The following ANKDD1A variants were observed in gnomAD, a reference collection of about 807,000 sequenced individuals.
The protein encoded by ANKDD1A is ankyrin repeat and death domain-containing protein 1A.
Under a neutral mutation model 63.5 loss-of-function variants are expected in ANKDD1A, and 59 were observed. That is an observed-to-expected ratio of 0.93 (90% CI 0.75 to 1.15). The LOEUF is 1.15. ANKDD1A is among the 50% of genes most tolerant of loss of function. The pLI, the probability that ANKDD1A is intolerant of heterozygous loss-of-function variation, is 0.00. For missense variants in ANKDD1A, 632 were observed against 656.4 expected (o/e 0.96, Z 0.41); for synonymous variants, 266 against 263.9 (o/e 1.01, Z -0.08).
At chr15:64,924,509 G>A (rs2140368312) in intron 4 of ANKDD1A, among the ~76,000 whole-genome samples, 1 of 152,256 alleles carries the variant, frequency 6.6e-6, no homozygotes, top group East Asian at 1.9e-4. Context: ...TTCCCCAAAG[G>A]GATTCATCTT....
chr15:64,924,636 T>G lies in ANKDD1A; in HGVS notation c.367-1430T>G, dbSNP rs2085032660. On this transcript the variant is annotated intron_variant, in intron 4 of 14. Coordinates refer to ENST00000319580, the MANE Select transcript of ANKDD1A (RefSeq NM_182703.6). ...TGATATTTACAGTTTTACTAAACTATAGACTATAATAAGATTTCAGCAGTT... is the reference window on the plus strand; with the variant it reads ...TGATATTTACAGTTTTACTAAACTAGAGACTATAATAAGATTTCAGCAGTT... Among the ~76,000 whole-genome samples the G allele has an allele frequency of 2.0e-5, 3 of 152,382 alleles. No homozygotes were observed. In the South Asian group the frequency reaches 6.2e-4, roughly 32 times the overall value.
rs1266128141 is a variant in ANKDD1A at position 64,953,952 on chromosome 15, ATTGTTTCT to A, written c.1484-3148_1484-3141del. Among the ~76,000 whole-genome samples, 20 of 72,036 alleles carry A rather than the reference ATTGTTTCT, an allele frequency of 2.8e-4. No individual in the cohort carries two copies. In the East Asian group the frequency reaches 0.012, roughly 43 times the overall value. The allele number at this position is 72,036 out of a possible 152,430, so 47.3% of individuals were successfully genotyped here. ...TTTTTTCTTTTCTTCCTCTTCTTCT[ATTGTTTCT>A]TTTTTTCTTCTTTCTTCCTCTATCT... is the stretch of plus-strand genomic sequence containing the variant. On this transcript the variant is annotated intron_variant, in intron 14 of 14. Coordinates refer to ENST00000319580, the MANE Select transcript of ANKDD1A (RefSeq NM_182703.6).
At chr15:64,954,744 CTTCTTCTTT>C (rs2085396809) in intron 14 of ANKDD1A, among the ~76,000 whole-genome samples, 1 of 127,722 alleles carries the variant, frequency 7.8e-6, no homozygotes, top group African/African-American at 2.7e-5. Flanking sequence ...CTTCCTTCTC[CTTCTTCTTT>C]CTTTTTGTTC....
chr15:64,942,653 GC>G, intron 10 of ANKDD1A, 88 bp downstream of exon 10: 2 of 934,568 alleles, frequency 2.1e-6, no homozygotes, highest in Non-Finnish European at 3.1e-6. Context: ...TCCTAGCATG[GC>G]CCAGAGTTGA....
At chr15:64,943,343 G>T in intron 10 of ANKDD1A, 141 bp from the exon 11 acceptor site, 2 of 721,438 alleles carry the variant, frequency 2.8e-6, no homozygotes, top group South Asian at 3.4e-5. Flanking sequence ...TCTCATGTAT[G>T]TAAAACCAAC....
chr15:64,918,564 C>A (rs1376248351), intron 3 of ANKDD1A, among the ~76,000 whole-genome samples: 2 of 152,274 alleles, frequency 1.3e-5, no homozygotes, highest in South Asian at 4.1e-4. Flanking sequence ...CCCACAGAGA[C>A]CCCCACTATC....
At position 64,917,481 on chromosome 15, in the gene ANKDD1A, T is replaced by C. The variant is rs2084976842; in HGVS notation, c.234T>C (p.Asp78=). ...ACGAGGCTGCTGTGGACGAGGAGGA[T>C]GCGGTAGGGGCCCTCACAGAGGCAC... ...LEHEAAVDEE[D]AVGALTEARL... is the part of the protein sequence containing the mutation. The change falls in exon 3 of 15, where the codon GAT becomes GAC. Residue 78 remains aspartate, a synonymous_variant. Coordinates refer to ENST00000319580, the MANE Select transcript of ANKDD1A (RefSeq NM_182703.6). 3 of 1,595,330 alleles carry C rather than the reference T, an allele frequency of 1.9e-6. No individual in the cohort carries two copies. Among genetic ancestry groups the C allele is most frequent in the Admixed American group, 3.5e-5 (2 of 56,762 alleles).
intron 14 of ANKDD1A, among the ~76,000 whole-genome samples, chr15:64,952,950 TC>T (rs2085326319): frequency 8.8e-5 from 2 of 22,786 alleles, no homozygotes; most frequent in Admixed American, 7.2e-4. Flanking sequence ...TTCTTCCTTC[TC>T]TTTCTTCCTC....
intron 9 of ANKDD1A, 99 bp from the exon 10 acceptor site, chr15:64,942,368 A>G: frequency 1.2e-6 from 1 of 857,170 alleles, no homozygotes; most frequent in Non-Finnish European, 1.7e-6. Context: ...CCAAACCCAG[A>G]AGCACTATAC....
In ANKDD1A at chr15:64,934,182, A is replaced by C; in HGVS notation, c.815A>C (p.Asp272Ala). ...LHYAALSGSE[D>A]VSRVLIHAGG... ...TATGCAGCCCTCAGTGGCTCGGAGG[A>C]TGTGTCTCGGGTCCTCATCCACGCA... Residue 272 changes from aspartate (D) to alanine (A), a missense_variant, in exon 9 of 15, where the codon GAT becomes GCT. Asp to Ala is a moderately radical substitution (Grantham distance 126). Transcript: ENST00000319580. 1.2e-6 allele frequency: 2 copies of C among 1,612,420 alleles called. No homozygotes were observed. The highest frequency in any genetic ancestry group is 2.2e-5 in the South Asian group (2 of 90,506).
rs555000152 is a variant in ANKDD1A at position 64,924,847 on chromosome 15, C to A, written c.367-1219C>A. Among the ~76,000 whole-genome samples the A allele has an allele frequency of 9.0e-4, 137 of 152,250 alleles. 1 individual carries two copies. The highest frequency in any genetic ancestry group is 3.2e-3 in the African/African-American group (132 of 41,538). On this transcript the variant is annotated intron_variant, in intron 4 of 14. Coordinates refer to ENST00000319580, the MANE Select transcript of ANKDD1A (RefSeq NM_182703.6). ...TGTTTTCCTCATGAAAATCATCCGTCCAGGGCTATGGAATTTGGGAAGAAC... is the reference window on the plus strand; with the variant it reads ...TGTTTTCCTCATGAAAATCATCCGTACAGGGCTATGGAATTTGGGAAGAAC...
At position 64,957,727 on chromosome 15, in the gene ANKDD1A, T is replaced by C. The variant is rs2085431092; in HGVS notation, c.*539T>C. 1 of 152,294 alleles carries C rather than the reference T, an allele frequency of 6.6e-6. No homozygotes were observed. Among genetic ancestry groups the C allele is most frequent in the Non-Finnish European group, 1.5e-5 (1 of 68,090 alleles). The allele number at this position is 152,294 out of a possible 1,614,324, so 9.4% of individuals were successfully genotyped here. ...GTATTTCTCTCAGCAGATATTTCTT[T>C]GGTACTACCATGTATTGTGTAACTT... is the stretch of plus-strand genomic sequence containing the variant. On this transcript the variant is annotated 3_prime_UTR_variant, in exon 15 of 15. Transcript: ENST00000319580.
Position 64,926,102 on chromosome 15 carries a change from G to C in ANKDD1A, c.403G>C (p.Gly135Arg). The C allele has an allele frequency of 6.2e-7, 1 of 1,614,012 alleles. No individual in the cohort carries two copies. Among genetic ancestry groups the C allele is most frequent in the South Asian group, 1.1e-5 (1 of 91,054 alleles). The change falls in exon 5 of 15, where the codon GGC (glycine) becomes CGC (arginine). Residue 135 changes from glycine (G) to arginine (R), a missense_variant. Gly to Arg is a moderately radical substitution (Grantham distance 125, BLOSUM62 -2). Transcript: ENST00000319580. ...LTLLHCAAQK[G>R]HVPVLAFIME... ...CTTACTGCACTGCGCAGCCCAAAAAGGCCATGTGCCTGTGCTGGCGTTCAT... is the reference window on the plus strand; with the variant it reads ...CTTACTGCACTGCGCAGCCCAAAAACGCCATGTGCCTGTGCTGGCGTTCAT...
chr15:64,947,539 T>C lies in ANKDD1A; in HGVS notation c.1297T>C (p.Tyr433His), dbSNP rs2085233523. 1.2e-6 allele frequency: 2 copies of C among 1,614,148 alleles called. No individual in the cohort carries two copies. The highest frequency in any genetic ancestry group is 1.7e-6 in the Non-Finnish European group (2 of 1,180,016). The change falls in exon 13 of 15, where the codon TAT becomes CAT. Residue 433 changes from tyrosine (Y) to histidine (H), a missense_variant. Coordinates refer to ENST00000319580, the MANE Select transcript of ANKDD1A (RefSeq NM_182703.6). ...LQPREWKKLAYSWEFTEAHVD... is the reference protein window; with the variant it reads ...LQPREWKKLAHSWEFTEAHVD... ...GCCCCGTGAGTGGAAGAAGCTGGCA[T>C]ATTCCTGGGAGTTCACGGAGGCACA...
At chr15:64,922,457 T>A (rs1288458180) in intron 4 of ANKDD1A, 1 of 157,574 alleles carries the variant, frequency 6.3e-6, no homozygotes, top group Non-Finnish European at 1.4e-5. Flanking sequence ...GTGCCTGGAA[T>A]CCCTCCACTG....
chr15:64,929,743 C>T (rs2085074388), intron 6 of ANKDD1A, among the ~76,000 whole-genome samples: 1 of 152,168 alleles, frequency 6.6e-6, no homozygotes, highest in Admixed American at 6.6e-5. Flanking sequence ...CCATGTACCC[C>T]CGGCCCTATT....
intron 14 of ANKDD1A, among the ~76,000 whole-genome samples, chr15:64,952,089 TTCCTC>T (rs1595858934): frequency 1.8e-4 from 19 of 108,394 alleles, no homozygotes; most frequent in East Asian, 9.7e-4. Flanking sequence ...CCTTCTTTTC[TTCCTC>T]TTCTTCCTTC....
intron 2 of ANKDD1A, among the ~76,000 whole-genome samples, 200 bp downstream of exon 2, chr15:64,916,100 C>T (rs2084966590): frequency 6.6e-6 from 1 of 152,150 alleles, no homozygotes; most frequent in Non-Finnish European, 1.5e-5. Context: ...CACCCAAGGT[C>T]AGGACCAGGA....
Position 64,918,468 on chromosome 15 carries a change from G to T in ANKDD1A, c.267+954G>T, listed in dbSNP as rs530156485. Among the ~76,000 whole-genome samples the T allele has an allele frequency of 7.2e-5, 11 of 152,126 alleles. No individual in the cohort carries two copies. The East Asian group carries it at 9.6e-4, about 13-fold the overall frequency. The stretch of plus-strand genomic sequence containing the variant: ...CCTGTACCTGCTTAGGCCTCCTTTA[G>T]GGATGCCTTTAGGAGCAGAATGTCT... On this transcript the variant is annotated intron_variant, in intron 3 of 14. Coordinates refer to ENST00000319580, the MANE Select transcript of ANKDD1A (RefSeq NM_182703.6).
Sources: gnomAD v4.1 joint callset for allele counts (sites outside exome capture counted in the v4.1 genomes callset) on GRCh38, gnomAD v4.1.1 for gene constraint, MANE v1.5 for transcripts, NCBI Gene and HGNC (gene_info 2026-07-23, HGNC 2026-07-21) for gene names.